The following ASIC2 variants were observed in gnomAD, a reference collection of about 807,000 sequenced individuals.
The protein encoded by ASIC2 is acid-sensing ion channel 2.
In ASIC2, 25 loss-of-function variants were observed where a neutral mutation model predicts 57.3. That is an observed-to-expected ratio of 0.44 (90% confidence interval 0.32 to 0.61). ASIC2 has a LOEUF of 0.61. Ranked by LOEUF, ASIC2 falls within the 20% of genes least tolerant of loss-of-function variation. The pLI is 0.06. For synonymous variants in ASIC2, 319 were observed against 307.5 expected (o/e 1.04, Z -0.39); for missense variants, 641 against 738.1 (o/e 0.87, Z 1.52).
At chr17:33,467,351 A>G (rs1296737522) in intron 1 of ASIC2, among the ~76,000 whole-genome samples, 1 of 152,224 alleles carries the variant, frequency 6.6e-6, no homozygotes, top group Non-Finnish European at 1.5e-5. Flanking sequence ...TGAGAAAATT[A>G]TGAGCTGTCT....
chr17:33,877,486 C>A (rs1026081674), intron 1 of ASIC2, among the ~76,000 whole-genome samples: 2 of 152,198 alleles, frequency 1.3e-5, no homozygotes, highest in Non-Finnish European at 2.9e-5. Flanking sequence ...ATTCCTGGCT[C>A]GGAGGGTCCT....
At chr17:34,004,045 C>T (rs953317610) in intron 1 of ASIC2, 7 of 152,210 alleles carry the variant, frequency 4.6e-5, no homozygotes, top group African/African-American at 1.7e-4. Flanking sequence ...TCCTGAAAGA[C>T]CTCCTTCATG....
chr17:33,396,281 C>T (rs912479791), intron 1 of ASIC2, among the ~76,000 whole-genome samples: 1 of 152,138 alleles, frequency 6.6e-6, no homozygotes. Flanking sequence ...CTGGCTTCTG[C>T]TAAATAGAAA....
intron 1 of ASIC2, among the ~76,000 whole-genome samples, chr17:33,777,127 G>A (rs1009423119): frequency 6.6e-6 from 1 of 152,178 alleles, no homozygotes; most frequent in African/African-American, 2.4e-5. Context: ...GCTGGCGCCC[G>A]CTGATCCCCT....
intron 2 of ASIC2, among the ~76,000 whole-genome samples, chr17:33,110,292 C>T (rs1382751897): frequency 6.6e-6 from 1 of 152,210 alleles, no homozygotes; most frequent in African/African-American, 2.4e-5. Flanking sequence ...ACCCCCTGGA[C>T]TCCGGGTTGT....
At chr17:33,415,207 C>T (rs533783311) in intron 1 of ASIC2, among the ~76,000 whole-genome samples, 24 of 151,276 alleles carry the variant, frequency 1.6e-4, no homozygotes, top group African/African-American at 5.8e-4. Flanking sequence ...AGAGTCATCG[C>T]TTGGAATCTA....
intron 1 of ASIC2, among the ~76,000 whole-genome samples, chr17:33,867,409 G>A (rs1914270975): frequency 6.6e-6 from 1 of 152,144 alleles, no homozygotes; most frequent in South Asian, 2.1e-4. Context: ...TTTCTCAGAT[G>A]AAGAATGTAA....
intron 1 of ASIC2, among the ~76,000 whole-genome samples, chr17:33,750,926 A>T (rs1173934988): frequency 1.3e-5 from 2 of 152,154 alleles, no homozygotes; most frequent in Admixed American, 1.3e-4. Flanking sequence ...CCCAGGCAAG[A>T]CTCAGGGAAA....
intron 1 of ASIC2, among the ~76,000 whole-genome samples, chr17:33,918,430 C>T (rs573365347): frequency 2.2e-4 from 33 of 152,174 alleles, no homozygotes; most frequent in Non-Finnish European, 1.2e-4. Context: ...GCTAAGTATG[C>T]ATTTACCTGT....
chr17:33,314,972 G>A (rs1906584619), intron 1 of ASIC2, among the ~76,000 whole-genome samples: 1 of 152,144 alleles, frequency 6.6e-6, no homozygotes, highest in African/African-American at 2.4e-5. Flanking sequence ...AAGGAAATTG[G>A]ACCTCTTGTG....
chr17:33,205,667 C>T (rs1170944003), intron 1 of ASIC2, among the ~76,000 whole-genome samples: 1 of 152,240 alleles, frequency 6.6e-6, no homozygotes, highest in Admixed American at 6.5e-5. Flanking sequence ...ATTTGTACAA[C>T]TGGCCTCTTG....
chr17:33,120,036 G>A (rs576312467), intron 1 of ASIC2, among the ~76,000 whole-genome samples: 2 of 152,334 alleles, frequency 1.3e-5, no homozygotes, highest in East Asian at 1.9e-4. Context: ...AGCTTACAGC[G>A]AGAAGACTGA....
At chr17:33,317,886 A>AGT (rs57716479) in intron 1 of ASIC2, among the ~76,000 whole-genome samples, 9,772 of 144,360 alleles carry the variant, frequency 0.068, 329 homozygotes, top group African/African-American at 0.08. Context: ...TGTGGAGATG[A>AGT]GTGTGTGTGT....
At chr17:33,728,354 A>G (rs1909628788) in intron 1 of ASIC2, among the ~76,000 whole-genome samples, 1 of 151,942 alleles carries the variant, frequency 6.6e-6, no homozygotes, top group Admixed American at 6.6e-5. Flanking sequence ...CTAAAATTGT[A>G]CCCTGATTTG....
At chr17:33,148,025 G>T (rs1270272462) in intron 1 of ASIC2, among the ~76,000 whole-genome samples, 1 of 152,106 alleles carries the variant, frequency 6.6e-6, no homozygotes, top group Non-Finnish European at 1.5e-5. Flanking sequence ...CCTGGAGAGG[G>T]GCAAAGACCA....
chr17:33,219,626 A>G (rs937120305), intron 1 of ASIC2, among the ~76,000 whole-genome samples: 11 of 152,220 alleles, frequency 7.2e-5, no homozygotes, highest in Middle Eastern at 3.4e-3. Flanking sequence ...GCATTTCCCA[A>G]ACTGTGTCCT....
At chr17:34,126,381 A>G (rs1302032977) in intron 1 of ASIC2, among the ~76,000 whole-genome samples, 1 of 152,182 alleles carries the variant, frequency 6.6e-6, no homozygotes, top group Non-Finnish European at 1.5e-5. Flanking sequence ...GTGGTGGAGG[A>G]AAGTACGGAA....
chr17:34,006,003 C>A (rs1428471080), intron 1 of ASIC2: 1 of 152,202 alleles, frequency 6.6e-6, no homozygotes, highest in Non-Finnish European at 1.5e-5. Flanking sequence ...GGTGAATAAA[C>A]AATCATGGCT....
chr17:33,478,168 G>A (rs780551700), intron 1 of ASIC2, among the ~76,000 whole-genome samples: 1 of 152,214 alleles, frequency 6.6e-6, no homozygotes, highest in African/African-American at 2.4e-5. Flanking sequence ...ACCAATGGCG[G>A]AGAGCTACCT....
Sources: allele counts gnomAD v4.1 joint callset (sites outside exome capture counted in the v4.1 genomes callset), GRCh38; gene constraint gnomAD v4.1.1; transcripts MANE v1.5; gene names NCBI Gene and HGNC (gene_info 2026-07-23, HGNC 2026-07-21).